AGMO: variants seen among roughly 807,000 people sequenced by gnomAD.
The protein encoded by AGMO is glyceryl-ether monooxygenase.
In AGMO, 75 loss-of-function variants were observed where a neutral mutation model predicts 60.2. The ratio of observed to expected loss-of-function variants is 1.25; its 90% confidence interval spans 1.03 to 1.51. AGMO has a LOEUF of 1.51. AGMO is among the 40% of genes most tolerant of loss of function. The pLI, the probability that AGMO is intolerant of heterozygous loss-of-function variation, is 0.00. For synonymous variants in AGMO, 261 were observed against 177.1 expected, an observed-to-expected ratio of 1.47 and a Z score of -3.76; for missense variants, 763 against 525.5, an observed-to-expected ratio of 1.45 and a Z score of -4.42.
chr7:15,556,976 T>C (rs1785160483), intron 2 of AGMO, among the ~76,000 whole-genome samples: 1 of 152,040 alleles, frequency 6.6e-6, no homozygotes, highest in African/African-American at 2.4e-5. Flanking sequence ...GATCATGGTC[T>C]GTCCAACAGG....
At chr7:15,520,003 C>G (rs1242645905) in intron 3 of AGMO, among the ~76,000 whole-genome samples, 1 of 134,252 alleles carries the variant, frequency 7.4e-6, no homozygotes, top group Non-Finnish European at 1.6e-5. Flanking sequence ...AAAAAAGAAC[C>G]AAAAAAAAAA....
At chr7:15,291,018 T>A (rs1221426926) in intron 12 of AGMO, among the ~76,000 whole-genome samples, 3 of 152,178 alleles carry the variant, frequency 2.0e-5, no homozygotes. Flanking sequence ...TTATTCATTC[T>A]TGTGTGCAAT....
At chr7:15,454,123 T>C (rs1781931309) in intron 3 of AGMO, among the ~76,000 whole-genome samples, 2 of 151,474 alleles carry the variant, frequency 1.3e-5, no homozygotes, top group Non-Finnish European at 2.9e-5. Context: ...TAGGTATACA[T>C]AAATATTATT....
chr7:15,333,027 G>A (rs1781545031), intron 12 of AGMO, among the ~76,000 whole-genome samples: 1 of 152,036 alleles, frequency 6.6e-6, no homozygotes, highest in Admixed American at 6.6e-5. Flanking sequence ...AACTCTAGAA[G>A]GAAAAGCATA....
chr7:15,362,383 T>A (rs1417145902), intron 12 of AGMO, among the ~76,000 whole-genome samples: 1 of 152,184 alleles, frequency 6.6e-6, no homozygotes, highest in Non-Finnish European at 1.5e-5. Flanking sequence ...TCACTTGACC[T>A]CTCAACAGAG....
chr7:15,366,248 G>A (rs1782976267), intron 10 of AGMO, 26 bp from the exon 11 acceptor site: 4 of 1,552,188 alleles, frequency 2.6e-6, no homozygotes, highest in Non-Finnish European at 2.6e-6. Flanking sequence ...GGAGATCAAT[G>A]GAGCCGTTAG....
intron 12 of AGMO, among the ~76,000 whole-genome samples, chr7:15,240,854 C>G (rs1190192157): frequency 3.3e-5 from 5 of 151,842 alleles, no homozygotes; most frequent in African/African-American, 1.2e-4. Context: ...CTTATAACAT[C>G]TAGGTGATTT....
intron 10 of AGMO, among the ~76,000 whole-genome samples, chr7:15,380,160 C>T (rs78002664): frequency 0.16 from 24,731 of 151,922 alleles, 2,177 homozygotes; most frequent in East Asian, 0.3. Flanking sequence ...AAGTTCTGGG[C>T]AGGGCATTCA....
intron 4 of AGMO, among the ~76,000 whole-genome samples, chr7:15,420,764 G>A (rs1197425950): frequency 2.0e-5 from 3 of 151,892 alleles, no homozygotes; most frequent in Non-Finnish European, 4.4e-5. Context: ...CAAACTCAGA[G>A]TAACTTGGTA....
chr7:15,319,805 C>G (rs1781052071), intron 12 of AGMO, among the ~76,000 whole-genome samples: 1 of 151,852 alleles, frequency 6.6e-6, no homozygotes, highest in Admixed American at 6.6e-5. Context: ...TATTATATGT[C>G]TTTAATATTT....
intron 12 of AGMO, among the ~76,000 whole-genome samples, chr7:15,217,872 A>C (rs1308241160): frequency 6.6e-6 from 1 of 152,122 alleles, no homozygotes; most frequent in East Asian, 1.9e-4. Flanking sequence ...GTTCGCCATA[A>C]TTTATGAGAA....
chr7:15,357,190 CGTGTGTGTGTGTGTGT>C (rs36124819), intron 12 of AGMO, among the ~76,000 whole-genome samples: 45 of 144,460 alleles, frequency 3.1e-4, no homozygotes, highest in East Asian at 2.7e-3. Flanking sequence ...TATGAATATT[CGTGTGTGTGTGTGTGT>C]GTGTGTGTGT....
intron 12 of AGMO, among the ~76,000 whole-genome samples, chr7:15,231,548 A>C (rs1782260041): frequency 6.6e-6 from 1 of 152,236 alleles, no homozygotes; most frequent in Admixed American, 6.5e-5. Flanking sequence ...GTTACACATC[A>C]CACCATTTGA....
At chr7:15,189,373 A>G in the AGMO span, among the ~76,000 whole-genome samples, 1 of 152,034 alleles carries the variant, frequency 6.6e-6, no homozygotes, top group Non-Finnish European at 1.5e-5. Context: ...GACTCATTTT[A>G]TAAACATTTT....
At chr7:15,174,393 T>C in the AGMO span, among the ~76,000 whole-genome samples, 1 of 152,140 alleles carries the variant, frequency 6.6e-6, no homozygotes. Flanking sequence ...AATCATATAT[T>C]ACTTTTGTAA....
intron 12 of AGMO, among the ~76,000 whole-genome samples, chr7:15,233,858 C>T (rs1022025647): frequency 6.6e-6 from 1 of 152,064 alleles, no homozygotes; most frequent in African/African-American, 2.4e-5. Flanking sequence ...ACCAGCCTGA[C>T]CAACGTGGTG....
At chr7:15,266,121 G>C (rs974591938) in intron 12 of AGMO, among the ~76,000 whole-genome samples, 1 of 151,978 alleles carries the variant, frequency 6.6e-6, no homozygotes, top group Admixed American at 6.6e-5. Context: ...GGTTGACAGG[G>C]GATCAGGGGA....
intron 12 of AGMO, among the ~76,000 whole-genome samples, chr7:15,236,667 G>A (rs1218882651): frequency 6.6e-6 from 1 of 152,084 alleles, no homozygotes; most frequent in African/African-American, 2.4e-5. Context: ...AGATGAGTAA[G>A]ATATATGTTG....
chr7:15,193,052 GTGT>G, the AGMO span, among the ~76,000 whole-genome samples: 86 of 152,102 alleles, frequency 5.7e-4, no homozygotes, highest in Non-Finnish European at 9.6e-4. Flanking sequence ...TTCTAATATG[GTGT>G]TATTATTTTG....
Sources: gnomAD v4.1 joint callset for allele counts (sites outside exome capture counted in the v4.1 genomes callset) on GRCh38, gnomAD v4.1.1 for gene constraint, MANE v1.5 for transcripts, NCBI Gene and HGNC (gene_info 2026-07-23, HGNC 2026-07-21) for gene names.